SNX29: variants seen among roughly 807,000 people sequenced by gnomAD.
The protein encoded by SNX29 is sorting nexin-29.
In SNX29, 78 loss-of-function variants were observed where a neutral mutation model predicts 102.1. The ratio of observed to expected loss-of-function variants is 0.76; its 90% CI spans 0.64 to 0.92. The LOEUF is 0.92. Among genes scored for constraint, SNX29 ranks in the 40% least tolerant of loss-of-function variants. SNX29 has a pLI of 0.00. For missense variants in SNX29, 1,280 were observed against 1,061.7 expected (o/e 1.21, Z -2.86); for synonymous variants, 580 against 414.5 (o/e 1.40, Z -4.85).
At chr16:12,128,643 G>A (rs1487675038) in intron 12 of SNX29, among the ~76,000 whole-genome samples, 1 of 151,988 alleles carries the variant, frequency 6.6e-6, no homozygotes, top group Non-Finnish European at 1.5e-5. Context: ...AGTAGAGATA[G>A]GGTTTCATCA....
At chr16:12,250,587 A>T (rs2078393226) in intron 14 of SNX29, among the ~76,000 whole-genome samples, 1 of 152,152 alleles carries the variant, frequency 6.6e-6, no homozygotes, top group South Asian at 2.1e-4. Flanking sequence ...GCAGAGCTTG[A>T]TGCAGTCCTC....
chr16:12,307,999 C>G (rs769944772), intron 15 of SNX29, among the ~76,000 whole-genome samples: 7 of 152,170 alleles, frequency 4.6e-5, no homozygotes, highest in Non-Finnish European at 1.0e-4. Flanking sequence ...GTGTTAGCCA[C>G]TGAACCCATC....
At chr16:12,006,378 G>T (rs2056453274) in intron 3 of SNX29, among the ~76,000 whole-genome samples, 1 of 151,838 alleles carries the variant, frequency 6.6e-6, no homozygotes, top group South Asian at 2.1e-4. Context: ...AGCCAGGCAT[G>T]GTGGCACATG....
At chr16:12,052,341 C>T (rs543918282) in intron 8 of SNX29, 119 bp downstream of exon 8, 41 of 1,168,712 alleles carry the variant, frequency 3.5e-5, no homozygotes, top group African/African-American at 1.7e-4. Context: ...CTCAGCCTCC[C>T]GAGTAGCTGG....
intron 20 of SNX29, among the ~76,000 whole-genome samples, chr16:12,536,049 G>A (rs979068244): frequency 1.3e-5 from 2 of 152,226 alleles, no homozygotes; most frequent in South Asian, 2.1e-4. Flanking sequence ...CCCATGAGCT[G>A]AGCCCTTTGT....
chr16:12,400,671 C>T (rs12444279), intron 17 of SNX29, among the ~76,000 whole-genome samples: 1 of 152,032 alleles, frequency 6.6e-6, no homozygotes, highest in Admixed American at 6.6e-5. Context: ...GTGGCACTTA[C>T]AATAATAGTA....
At chr16:12,482,226 C>T (rs1028089418) in intron 19 of SNX29, among the ~76,000 whole-genome samples, 14 of 152,230 alleles carry the variant, frequency 9.2e-5, no homozygotes, top group Non-Finnish European at 1.8e-4. Context: ...CACGTCTAGA[C>T]AAGACGTGTT....
rs374138224 is a variant in SNX29, at chr16:12,343,595, C to T, written c.1783-12568C>T. 7.9e-5 allele frequency among the ~76,000 whole-genome samples: 12 copies of T among 152,222 alleles called. No homozygotes were observed. In the East Asian group the frequency reaches 9.6e-4, roughly 12 times the overall value. ...CAGCTTAGTATCACAAGCCCTAGGACGGGTAGCTGCCTCCCCTTCCTGTTC... is the reference window on the plus strand; with the variant it reads ...CAGCTTAGTATCACAAGCCCTAGGATGGGTAGCTGCCTCCCCTTCCTGTTC... On this transcript the variant is annotated intron_variant, in intron 15 of 20. Transcript: ENST00000566228.
intron 20 of SNX29, among the ~76,000 whole-genome samples, chr16:12,537,278 GT>G (rs1464452341): frequency 2.0e-5 from 3 of 152,180 alleles, no homozygotes; most frequent in African/African-American, 7.2e-5. Flanking sequence ...CAGGAAACTG[GT>G]TAGTGTGGTA....
intron 11 of SNX29, among the ~76,000 whole-genome samples, chr16:12,105,544 A>C (rs2053199481): frequency 6.6e-6 from 1 of 151,906 alleles, no homozygotes; most frequent in South Asian, 2.1e-4. Context: ...TCTAAAGTGC[A>C]TTTTGGGAAA....
At chr16:12,476,425 T>TATATATATATATATATATAC (rs2087648433) in intron 18 of SNX29, among the ~76,000 whole-genome samples, 1 of 80,276 alleles carries the variant, frequency 1.2e-5, no homozygotes, top group African/African-American at 4.7e-5. Flanking sequence ...TATATATATA[T>TATATATATATATATATATAC]ATATATATAT....
intron 14 of SNX29, among the ~76,000 whole-genome samples, chr16:12,268,306 G>C (rs1027763166): frequency 3.9e-5 from 6 of 152,152 alleles, no homozygotes; most frequent in African/African-American, 1.4e-4. Context: ...CTAGTGCCTG[G>C]TACCTGGCAG....
chr16:12,245,573 T>C (rs1401333020), intron 14 of SNX29, among the ~76,000 whole-genome samples: 1 of 151,944 alleles, frequency 6.6e-6, no homozygotes, highest in African/African-American at 2.4e-5. Flanking sequence ...ATTAGAGTGA[T>C]TGTAGTTTAT....
chr16:12,537,536 C>T lies in SNX29; in HGVS notation c.2318+12695C>T, dbSNP rs549043699. 8.5e-5 allele frequency among the ~76,000 whole-genome samples: 13 copies of T among 152,250 alleles called. No individual in the cohort carries two copies. In the South Asian group the frequency reaches 2.7e-3, roughly 32 times the overall value. ...GTTGGGAGGATTAAAGGAAATATTA[C>T]CTACTATGGAGCTTCTCGAAGGGAA... On this transcript the variant is annotated intron_variant, in intron 20 of 20. Coordinates refer to ENST00000566228, the MANE Select transcript of SNX29 (RefSeq NM_032167.5).
In SNX29 at chr16:12,567,495, T is replaced by C. The variant is rs149224288; in HGVS notation, c.2319-1011T>C. On this transcript the variant is annotated intron_variant, in intron 20 of 20. Coordinates refer to ENST00000566228, the MANE Select transcript of SNX29 (RefSeq NM_032167.5). ...GCAAAAGGGACTTTACAGATGTGAT[T>C]AAGGATTGGCCAGGCACAGTGGCTC... is the stretch of plus-strand genomic sequence containing the variant. Among the ~76,000 whole-genome samples the C allele has an allele frequency of 3.5e-3, 532 of 152,244 alleles. 1 individual carries two copies. The highest frequency in any genetic ancestry group is 4.1e-3 in the Non-Finnish European group (276 of 68,020).
chr16:12,544,143 G>T (rs192852072), intron 20 of SNX29, among the ~76,000 whole-genome samples: 1 of 152,174 alleles, frequency 6.6e-6, no homozygotes, highest in Non-Finnish European at 1.5e-5. Context: ...TATATTCACC[G>T]GCATCATTCC....
intron 15 of SNX29, among the ~76,000 whole-genome samples, chr16:12,279,644 T>G (rs1415704714): frequency 6.6e-6 from 1 of 152,168 alleles, no homozygotes. Context: ...AATCTCAGGA[T>G]TGGGACGACT....
chr16:12,528,874 G>A (rs2076857332), intron 20 of SNX29, among the ~76,000 whole-genome samples: 1 of 152,222 alleles, frequency 6.6e-6, no homozygotes, highest in African/African-American at 2.4e-5. Context: ...CTGAGAAGGT[G>A]GGCAGGAAAG....
At chr16:12,259,679 G>T (rs930639169) in intron 14 of SNX29, among the ~76,000 whole-genome samples, 2 of 152,134 alleles carry the variant, frequency 1.3e-5, no homozygotes, top group African/African-American at 4.8e-5. Flanking sequence ...CAAACTGTAA[G>T]GTACATCAAA....
Sources: allele counts gnomAD v4.1 joint callset (sites outside exome capture counted in the v4.1 genomes callset), GRCh38; gene constraint gnomAD v4.1.1; transcripts MANE v1.5; gene names NCBI Gene and HGNC (gene_info 2026-07-23, HGNC 2026-07-21).